Variants in PRUNE2 observed in about 807,000 individuals in gnomAD.
The protein encoded by PRUNE2 is prune homolog 2 with BCH domain, also known as protein prune homolog 2.
A neutral mutation model predicts 252.0 loss-of-function variants in PRUNE2; 164 were observed. That is an observed-to-expected ratio of 0.65 (90% CI 0.57 to 0.74). The LOEUF is 0.74. Among genes scored for constraint, PRUNE2 ranks in the 30% least tolerant of loss-of-function variants. PRUNE2 has a pLI of 0.00. For missense variants in PRUNE2, 3,495 were observed against 3,711.0 expected (o/e 0.94, Z 1.51); for synonymous variants, 1,292 against 1,350.2 (o/e 0.96, Z 0.94).
chr9:76,638,115 TA>T, intron 13 of PRUNE2, 70 bp downstream of exon 13: 2 of 921,276 alleles, frequency 2.2e-6, no homozygotes, highest in Non-Finnish European at 1.8e-6. Context: ...TTTCTTTAAT[TA>T]AAGGTGCTCT....
intron 15 of PRUNE2, among the ~76,000 whole-genome samples, chr9:76,630,709 G>C (rs967439377): frequency 8.6e-5 from 13 of 151,982 alleles, no homozygotes; most frequent in African/African-American, 2.9e-4. Flanking sequence ...TATTTTTTTA[G>C]TAGAGACAGG....
chr9:76,855,963 A>C (rs2060229548), intron 1 of PRUNE2, among the ~76,000 whole-genome samples: 1 of 152,210 alleles, frequency 6.6e-6, no homozygotes, highest in African/African-American at 2.4e-5. Context: ...AATATTCTAG[A>C]AGCTCCTAAA....
chr9:76,647,437 G>C (rs890408548), intron 11 of PRUNE2, among the ~76,000 whole-genome samples: 2 of 152,138 alleles, frequency 1.3e-5, no homozygotes, highest in African/African-American at 4.8e-5. Flanking sequence ...ACTTTTAGAA[G>C]AGAAAATGTA....
chr9:76,706,640 G>C lies in PRUNE2; in HGVS notation c.5634C>G (p.Pro1878=). 1 of 1,613,832 alleles carries C rather than the reference G, an allele frequency of 6.2e-7. No individual in the cohort carries two copies. Among genetic ancestry groups the C allele is most frequent in the Middle Eastern group, 1.7e-4 (1 of 6,060 alleles). ...AAGGATTAGTATAGTGTGTTTCCAC[G>C]GGCTCAATATCACCCTGAACTGGTA... ...WGVPVQGDIE[P]VETHYTNPFS... Residue 1878 remains proline, a synonymous_variant, in exon 8 of 19, where the codon CCC becomes CCG. Transcript: ENST00000376718.
Position 76,613,796 on chromosome 9 carries a change from G to C in PRUNE2, c.*774C>G, listed in dbSNP as rs1828187014. On this transcript the variant is annotated 3_prime_UTR_variant, in exon 19 of 19. Transcript: ENST00000376718. ...TAGGCCACCTTGCACTTGAGTTCTT[G>C]GCACTTAAAAGGTAACCTCTGGAGC... 1 of 152,070 alleles carries C rather than the reference G, an allele frequency of 6.6e-6. No individual in the cohort carries two copies. The highest frequency in any genetic ancestry group is 2.4e-5 in the African/African-American group (1 of 41,378). 9.4% of individuals were successfully genotyped at this position (152,070 alleles called of 1,614,324 possible). A position where few individuals can be genotyped will look rare whatever the true frequency, so the allele number is the denominator to read the frequency against.
chr9:76,858,227 T>A (rs2060361908), intron 1 of PRUNE2, among the ~76,000 whole-genome samples: 1 of 152,158 alleles, frequency 6.6e-6, no homozygotes, highest in East Asian at 1.9e-4. Context: ...AAAAATCCCA[T>A]CCCTCACTGC....
At chr9:76,803,947 T>C (rs1227528621) in intron 6 of PRUNE2, among the ~76,000 whole-genome samples, 3 of 152,184 alleles carry the variant, frequency 2.0e-5, no homozygotes, top group Admixed American at 1.3e-4. Context: ...AATGCATTTC[T>C]ATTCCTCATT....
chr9:76,767,867 T>C (rs2052590980), intron 6 of PRUNE2, among the ~76,000 whole-genome samples: 1 of 152,216 alleles, frequency 6.6e-6, no homozygotes, highest in African/African-American at 2.4e-5. Flanking sequence ...CCATGCCCAC[T>C]ATGGCTATTC....
chr9:76,886,208 C>T (rs11145114), intron 1 of PRUNE2, among the ~76,000 whole-genome samples: 88,375 of 150,808 alleles, frequency 0.59, 26,243 homozygotes, highest in African/African-American at 0.69. Flanking sequence ...AAAAAAAGAA[C>T]TTATGCAATG....
intron 1 of PRUNE2, among the ~76,000 whole-genome samples, chr9:76,892,727 C>T (rs1249421654): frequency 3.9e-5 from 6 of 152,150 alleles, no homozygotes; most frequent in Non-Finnish European, 7.4e-5. Flanking sequence ...CAAACTATCA[C>T]GAAAGGTCAT....
intron 6 of PRUNE2, among the ~76,000 whole-genome samples, chr9:76,719,128 T>C (rs2047407370): frequency 6.6e-6 from 1 of 152,176 alleles, no homozygotes; most frequent in African/African-American, 2.4e-5. Flanking sequence ...TTTTATTTTT[T>C]TTCCACCCCT....
At chr9:76,804,498 T>C (rs76510459) in intron 6 of PRUNE2, among the ~76,000 whole-genome samples, 8,186 of 152,298 alleles carry the variant, frequency 0.054, 210 homozygotes, top group Non-Finnish European at 0.066. Flanking sequence ...GAGTGAGCTA[T>C]CATCTTGGTG....
intron 6 of PRUNE2, among the ~76,000 whole-genome samples, chr9:76,817,074 G>C (rs1191636663): frequency 1.3e-5 from 2 of 152,192 alleles, no homozygotes; most frequent in African/African-American, 4.8e-5. Flanking sequence ...AAGGTGTGAA[G>C]ACTAAGAGGA....
intron 4 of PRUNE2, among the ~76,000 whole-genome samples, chr9:76,832,502 A>G (rs2058723656): frequency 6.6e-6 from 1 of 152,170 alleles, no homozygotes; most frequent in African/African-American, 2.4e-5. Context: ...AGAAATCACA[A>G]TGTAAATCAG....
chr9:76,737,699 A>G (rs2049201013), intron 6 of PRUNE2: 1 of 152,248 alleles, frequency 6.6e-6, no homozygotes, highest in South Asian at 2.1e-4. Flanking sequence ...CCATGCACTC[A>G]TTTCAATGAA....
intron 1 of PRUNE2, among the ~76,000 whole-genome samples, chr9:76,861,899 G>C (rs1171293144): frequency 3.3e-5 from 5 of 151,430 alleles, no homozygotes; most frequent in Non-Finnish European, 7.4e-5. Context: ...AGTTAGGGAT[G>C]AGCCCCGCAA....
At chr9:76,687,634 T>C in intron 9 of PRUNE2, 1 of 425,606 alleles carries the variant, frequency 2.3e-6, no homozygotes, top group South Asian at 1.7e-5. Flanking sequence ...TCACTGTTTG[T>C]TTCTCAGGCC....
At chr9:76,840,248 G>A (rs1589514228) in intron 4 of PRUNE2, among the ~76,000 whole-genome samples, 1 of 152,206 alleles carries the variant, frequency 6.6e-6, no homozygotes, top group African/African-American at 2.4e-5. Flanking sequence ...AGGAAGAGTA[G>A]GCCCAACTTT....
In PRUNE2 at chr9:76,706,826, T is replaced by C. The variant is rs779406406; in HGVS notation, c.5448A>G (p.Gln1816=). Residue 1816 remains glutamine, a synonymous_variant, in exon 8 of 19, where the codon CAA becomes CAG. Transcript: ENST00000376718. ...CAGCTGAGAAGCCCAGCATTTCCAG[T>C]TGAGAATTATCTTCGTTCTTTGGGA... The part of the protein sequence containing the change: ...ASFPKNEDNS[Q]LEMLGFSADS... 1.3e-6 allele frequency: 2 copies of C among 1,598,560 alleles called. No individual in the cohort carries two copies. Among genetic ancestry groups the C allele is most frequent in the South Asian group, 1.1e-5 (1 of 88,424 alleles).
Sources: allele counts gnomAD v4.1 joint callset (sites outside exome capture counted in the v4.1 genomes callset), GRCh38; gene constraint gnomAD v4.1.1; transcripts MANE v1.5; gene names NCBI Gene and HGNC (gene_info 2026-07-23, HGNC 2026-07-21).